Variants in CADM2 observed in about 807,000 individuals in gnomAD.
CADM2 encodes the protein immunoglobulin superfamily member 4D.
A neutral mutation model predicts 49.8 loss-of-function variants in CADM2; 12 were observed. The ratio of observed to expected loss-of-function variants is 0.24; its 90% CI spans 0.15 to 0.39. The LOEUF is 0.39. Among genes scored for constraint, CADM2 ranks in the 10% least tolerant of loss-of-function variants. The pLI is 1.00. For synonymous variants in CADM2, 214 were observed against 175.4 expected, an observed-to-expected ratio of 1.22 and a Z score of -1.74; for missense variants, 378 against 492.3, an observed-to-expected ratio of 0.77 and a Z score of 2.20.
At chr3:85,452,697 A>C (rs983904860) in intron 1 of CADM2, among the ~76,000 whole-genome samples, 3 of 152,158 alleles carry the variant, frequency 2.0e-5, no homozygotes, top group African/African-American at 7.2e-5. Flanking sequence ...CCTAAGAGAT[A>C]ATTCTCAGAA....
At chr3:85,459,809 G>A (rs934401914) in intron 1 of CADM2, among the ~76,000 whole-genome samples, 2 of 152,178 alleles carry the variant, frequency 1.3e-5, no homozygotes, top group Non-Finnish European at 2.9e-5. Flanking sequence ...ATGTGTTTTT[G>A]ATTGTGGATG....
At chr3:85,999,322 G>A (rs1489939554) in intron 8 of CADM2, among the ~76,000 whole-genome samples, 1 of 151,604 alleles carries the variant, frequency 6.6e-6, no homozygotes, top group Admixed American at 6.6e-5. Flanking sequence ...TGGTCAACAT[G>A]GTGAAACCCC....
chr3:85,887,996 T>A (rs73843505), intron 5 of CADM2, among the ~76,000 whole-genome samples: 8,201 of 152,276 alleles, frequency 0.054, 630 homozygotes, highest in African/African-American at 0.17. Flanking sequence ...CGTCACATAT[T>A]TCCTTTTGTG....
intron 1 of CADM2, among the ~76,000 whole-genome samples, chr3:85,599,896 C>A (rs2063345750): frequency 9.0e-6 from 1 of 110,692 alleles, no homozygotes; most frequent in Admixed American, 1.1e-4. Context: ...TTTTAACCTG[C>A]CTAGAAATTA....
At chr3:85,535,336 T>C (rs1274029459) in intron 1 of CADM2, among the ~76,000 whole-genome samples, 1 of 152,120 alleles carries the variant, frequency 6.6e-6, no homozygotes, top group Non-Finnish European at 1.5e-5. Flanking sequence ...ACAGAATATG[T>C]TGGAGGTTTG....
intron 8 of CADM2, among the ~76,000 whole-genome samples, chr3:86,027,332 A>T (rs2107115580): frequency 6.6e-6 from 1 of 152,326 alleles, no homozygotes; most frequent in Non-Finnish European, 1.5e-5. Flanking sequence ...GGAAGGCAAA[A>T]GTATTTTCCC....
At chr3:85,336,970 TATATATTTAATATATATATATTTA>T (rs1234322008) in intron 1 of CADM2, among the ~76,000 whole-genome samples, 760 of 17,730 alleles carry the variant, frequency 0.043, 3 homozygotes, top group Non-Finnish European at 0.22. Flanking sequence ...ATATATTAAA[TATATATTTAATATATATATATTTA>T]ATATATATTA....
At chr3:85,756,050 C>T (rs201133091) in intron 2 of CADM2, among the ~76,000 whole-genome samples, 1 of 152,102 alleles carries the variant, frequency 6.6e-6, no homozygotes, top group East Asian at 1.9e-4. Context: ...TTAGCATAAA[C>T]TCAAGTATGG....
At chr3:85,004,465 T>G (rs1290221692) in intron 1 of CADM2, among the ~76,000 whole-genome samples, 1 of 152,144 alleles carries the variant, frequency 6.6e-6, no homozygotes, top group African/African-American at 2.4e-5. Context: ...TTTAAATAAG[T>G]CATTTAGAAA....
intron 1 of CADM2, among the ~76,000 whole-genome samples, chr3:85,066,532 C>A (rs1456153489): frequency 2.6e-5 from 4 of 152,074 alleles, no homozygotes; most frequent in Non-Finnish European, 4.4e-5. Flanking sequence ...ACCCAACATG[C>A]ACCTGCACGC....
In CADM2 at chr3:85,102,521, A is replaced by G. The variant is rs117677277; in HGVS notation, c.61+142853A>G. Among the ~76,000 whole-genome samples the G allele has an allele frequency of 1.6e-3, 248 of 152,276 alleles. 2 individuals are homozygous for G. The highest frequency in any genetic ancestry group is 0.015 in the East Asian group (77 of 5,182). ...CTTTTGTAGTGTATAATTGGGAAAC[A>G]ATAGGGACCAATGCTCTTTCCTGAT... On this transcript the variant is annotated intron_variant, in intron 1 of 9. Transcript: ENST00000383699.
chr3:85,903,098 C>T (rs1407794438), intron 5 of CADM2, among the ~76,000 whole-genome samples: 1 of 151,740 alleles, frequency 6.6e-6, no homozygotes, highest in Non-Finnish European at 1.5e-5. Context: ...ACTTTTTATC[C>T]ACTTCCTTTG....
chr3:85,399,632 T>C (rs1245617284), intron 1 of CADM2, among the ~76,000 whole-genome samples: 1 of 152,226 alleles, frequency 6.6e-6, no homozygotes, highest in Non-Finnish European at 1.5e-5. Context: ...TCCATTTGTA[T>C]GTGTCCTCTT....
chr3:85,222,810 C>A (rs1311874827), intron 1 of CADM2, among the ~76,000 whole-genome samples: 3 of 152,116 alleles, frequency 2.0e-5, no homozygotes, highest in Non-Finnish European at 4.4e-5. Context: ...TCATTATTCA[C>A]TGAATTATTT....
At chr3:85,065,886 TCTTTA>T (rs564958132) in intron 1 of CADM2, among the ~76,000 whole-genome samples, 8 of 152,272 alleles carry the variant, frequency 5.3e-5, no homozygotes, top group Non-Finnish European at 8.8e-5. Flanking sequence ...ACAATAACTT[TCTTTA>T]CTTTAAGCTG....
intron 1 of CADM2, among the ~76,000 whole-genome samples, chr3:85,637,369 G>A (rs901831716): frequency 6.6e-6 from 1 of 151,326 alleles, no homozygotes; most frequent in East Asian, 1.9e-4. Flanking sequence ...TTGGGAGGCC[G>A]AGGCGGGTGG....
At chr3:85,478,763 A>G (rs1042999457) in intron 1 of CADM2, among the ~76,000 whole-genome samples, 5 of 151,818 alleles carry the variant, frequency 3.3e-5, no homozygotes. Context: ...CAGTCAGGAG[A>G]TGGAATAAAG....
rs141177883 is a variant in CADM2, at chr3:85,446,991, CATATATATATAT to C, written c.62-279502_62-279491del. On this transcript the variant is annotated intron_variant, in intron 1 of 9. Coordinates refer to ENST00000383699, the MANE Select transcript of CADM2 (RefSeq NM_001167675.2). ...AATGACTTAAGCCTAATATGTATTGCATATATATATATATATATATATATATATATATATATA... is the reference window on the plus strand; with the variant it reads ...AATGACTTAAGCCTAATATGTATTGCATATATATATATATATATATATATA... 9.0e-3 allele frequency among the ~76,000 whole-genome samples: 489 copies of C among 54,562 alleles called. 15 individuals carry two copies. In the East Asian group the frequency reaches 0.13, roughly 15 times the overall value. 35.8% of individuals were successfully genotyped at this position (54,562 alleles called of 152,430 possible).
At chr3:85,323,817 G>A (rs1027233656) in intron 1 of CADM2, among the ~76,000 whole-genome samples, 1 of 152,052 alleles carries the variant, frequency 6.6e-6, no homozygotes, top group Non-Finnish European at 1.5e-5. Context: ...TCTATACTTT[G>A]GTATCTAGAA....
Sources: allele counts gnomAD v4.1 joint callset (sites outside exome capture counted in the v4.1 genomes callset), GRCh38; gene constraint gnomAD v4.1.1; transcripts MANE v1.5; gene names NCBI Gene and HGNC (gene_info 2026-07-23, HGNC 2026-07-21).